LUZP2: variants seen among roughly 807,000 people sequenced by gnomAD.
LUZP2 encodes leucine zipper protein 2.
In LUZP2, 52 loss-of-function variants were observed where a neutral mutation model predicts 51.6. That is an observed-to-expected ratio of 1.01 (90% CI 0.81 to 1.27). The LOEUF (loss-of-function observed/expected upper bound fraction) is 1.27. Ranked by LOEUF, LUZP2 falls within the 50% of genes most tolerant of loss-of-function variation. The probability of loss-of-function intolerance (pLI) is 0.00; values close to 1 mark genes in which losing one functional copy is unlikely to be tolerated. For missense variants in LUZP2, 436 were observed against 395.4 expected (o/e 1.10, Z -0.87); for synonymous variants, 154 against 137.3 (o/e 1.12, Z -0.85).
intron 1 of LUZP2, among the ~76,000 whole-genome samples, chr11:24,529,085 A>G (rs1490659919): frequency 6.6e-6 from 1 of 150,924 alleles, no homozygotes; most frequent in Non-Finnish European, 1.5e-5. Flanking sequence ...TAATAATAAC[A>G]TAGTCATCCT....
chr11:24,687,400 A>G (rs1590348458), intron 1 of LUZP2, among the ~76,000 whole-genome samples: 1 of 152,206 alleles, frequency 6.6e-6, no homozygotes, highest in Admixed American at 6.5e-5. Context: ...AGAATTTACT[A>G]TGTGCTTGAT....
At chr11:24,830,723 G>A (rs1041815762) in intron 5 of LUZP2, among the ~76,000 whole-genome samples, 4 of 151,934 alleles carry the variant, frequency 2.6e-5, no homozygotes, top group Admixed American at 6.6e-5. Flanking sequence ...GGCCAGGTGC[G>A]GTGGCTCATG....
At chr11:24,574,294 TTTC>T (rs1317133622) in intron 1 of LUZP2, among the ~76,000 whole-genome samples, 3 of 72,242 alleles carry the variant, frequency 4.2e-5, no homozygotes, top group East Asian at 7.4e-4. Context: ...CTTTCCTTTC[TTTC>T]TTTCTTTTTC....
Position 24,642,009 on chromosome 11 carries a change from C to T in LUZP2, c.63-87160C>T, listed in dbSNP as rs185077646. Reference sequence around the variant, plus strand: ...CCCTCAAGCGATTCTCCTGCCTCAGCTTCCTGAGTAGCTGGGACTACAGGT... The same window carrying T: ...CCCTCAAGCGATTCTCCTGCCTCAGTTTCCTGAGTAGCTGGGACTACAGGT... On this transcript the variant is annotated intron_variant, in intron 1 of 11. Coordinates refer to ENST00000336930, the MANE Select transcript of LUZP2 (RefSeq NM_001009909.4). Among the ~76,000 whole-genome samples, 22 of 151,924 alleles carry T rather than the reference C, an allele frequency of 1.4e-4. No homozygotes were observed. In the East Asian group the frequency reaches 4.3e-3, roughly 29 times the overall value.
Position 24,891,266 on chromosome 11 carries a change from A to T in LUZP2, c.397-14725A>T, listed in dbSNP as rs979361209. 3.8e-5 allele frequency: 37 copies of T among 984,170 alleles called. No homozygotes were observed. In the African/African-American group the frequency reaches 6.5e-4, roughly 17 times the overall value. 61.0% of individuals were successfully genotyped at this position (984,170 alleles called of 1,614,324 possible). On this transcript the variant is annotated intron_variant, in intron 5 of 11. Coordinates refer to ENST00000336930, the MANE Select transcript of LUZP2 (RefSeq NM_001009909.4). ...TTCCACAAAAATTTTAAGTGAAAATATCATTAGTCATAGCAATTCTACTTC... is the reference window on the plus strand; with the variant it reads ...TTCCACAAAAATTTTAAGTGAAAATTTCATTAGTCATAGCAATTCTACTTC...
intron 1 of LUZP2, among the ~76,000 whole-genome samples, chr11:24,544,454 C>T (rs1158780006): frequency 6.6e-6 from 1 of 152,050 alleles, no homozygotes; most frequent in East Asian, 1.9e-4. Flanking sequence ...CTCCACCTTC[C>T]AATAGGTCCC....
intron 1 of LUZP2, among the ~76,000 whole-genome samples, chr11:24,514,734 C>T (rs1300172690): frequency 1.3e-5 from 2 of 152,146 alleles, no homozygotes; most frequent in African/African-American, 4.8e-5. Context: ...AATAAGATTA[C>T]ATGAATCTAT....
At chr11:24,676,079 A>G (rs1227892626) in intron 1 of LUZP2, among the ~76,000 whole-genome samples, 2 of 152,082 alleles carry the variant, frequency 1.3e-5, no homozygotes, top group South Asian at 2.1e-4. Flanking sequence ...TCAGCCTCCC[A>G]AAGTGCTATG....
At chr11:24,617,866 A>T (rs35857225) in intron 1 of LUZP2, among the ~76,000 whole-genome samples, 53,666 of 151,542 alleles carry the variant, frequency 0.35, 9,622 homozygotes, top group Middle Eastern at 0.42. Context: ...ATAAATAAAT[A>T]AATTAAATAA....
chr11:24,990,891 C>A (rs1856314316), intron 9 of LUZP2, among the ~76,000 whole-genome samples: 1 of 151,996 alleles, frequency 6.6e-6, no homozygotes, highest in Non-Finnish European at 1.5e-5. Context: ...ATGGGTTCAT[C>A]TCAAATGTCA....
intron 1 of LUZP2, among the ~76,000 whole-genome samples, chr11:24,661,893 A>G (rs947988266): frequency 6.6e-6 from 1 of 152,164 alleles, no homozygotes; most frequent in Non-Finnish European, 1.5e-5. Flanking sequence ...CCTGAAGTAG[A>G]CATATACCAC....
At chr11:24,562,940 TGTG>T (rs960942530) in intron 1 of LUZP2, among the ~76,000 whole-genome samples, 8 of 151,954 alleles carry the variant, frequency 5.3e-5, no homozygotes, top group South Asian at 2.1e-4. Flanking sequence ...AGGGTAAGAT[TGTG>T]GGGCCTAGGA....
Position 24,991,390 on chromosome 11 carries a change from G to GTA in LUZP2, c.765+8098_765+8099insAT, listed in dbSNP as rs748533379. Among the ~76,000 whole-genome samples, 19 of 63,566 alleles carry GTA rather than the reference G, an allele frequency of 3.0e-4. No homozygotes were observed. The South Asian group carries it at 9.2e-3, about 31-fold the overall frequency. The allele number at this position is 63,566 out of a possible 152,430, so 41.7% of individuals were successfully genotyped here. On this transcript the variant is annotated intron_variant, in intron 9 of 11. Coordinates refer to ENST00000336930, the MANE Select transcript of LUZP2 (RefSeq NM_001009909.4). ...TGTGTATATATATGTGTGTGTGTGT[G>GTA]TGTGTGTATATATATATATATATAT...
chr11:24,888,707 C>T (rs1488172463), intron 5 of LUZP2, among the ~76,000 whole-genome samples: 1 of 152,120 alleles, frequency 6.6e-6, no homozygotes, highest in Non-Finnish European at 1.5e-5. Flanking sequence ...CCACAAATCT[C>T]ATCTTGAATT....
rs183226497 is a variant in LUZP2 at position 24,565,919 on chromosome 11, T to A, written c.62+68614T>A. ...AAGAGTTTTTAAAACAATAATTCTA[T>A]AGCTAGTGAAATTGTTCAATAATAT... On this transcript the variant is annotated intron_variant, in intron 1 of 11. Coordinates refer to ENST00000336930, the MANE Select transcript of LUZP2 (RefSeq NM_001009909.4). 1.6e-3 allele frequency among the ~76,000 whole-genome samples: 241 copies of A among 152,254 alleles called. 1 individual carries two copies. The Middle Eastern group carries it at 0.024, about 15-fold the overall frequency.
chr11:24,607,953 A>T (rs770348506), intron 1 of LUZP2, among the ~76,000 whole-genome samples: 2 of 151,652 alleles, frequency 1.3e-5, no homozygotes, highest in African/African-American at 4.9e-5. Context: ...GGTTTATGCC[A>T]TTCTCCTGCC....
chr11:24,822,013 T>G (rs551491718), intron 5 of LUZP2, among the ~76,000 whole-genome samples: 1 of 151,380 alleles, frequency 6.6e-6, no homozygotes, highest in Non-Finnish European at 1.5e-5. Flanking sequence ...GTTTACTTAA[T>G]ATTATGCAGG....
chr11:24,799,824 C>G (rs1263591785), intron 5 of LUZP2, among the ~76,000 whole-genome samples: 11 of 152,002 alleles, frequency 7.2e-5, no homozygotes, highest in Admixed American at 7.2e-4. Context: ...TATTAGAATA[C>G]AAAAGTAATA....
At chr11:24,651,102 A>G (rs1340480192) in intron 1 of LUZP2, among the ~76,000 whole-genome samples, 1 of 151,952 alleles carries the variant, frequency 6.6e-6, no homozygotes, top group African/African-American at 2.4e-5. Flanking sequence ...CTTTCCAACA[A>G]TTCCAAGTTT....
Sources: allele counts gnomAD v4.1 joint callset (sites outside exome capture counted in the v4.1 genomes callset), GRCh38; gene constraint gnomAD v4.1.1; transcripts MANE v1.5; gene names NCBI Gene and HGNC (gene_info 2026-07-23, HGNC 2026-07-21).